ABR: variants seen among roughly 807,000 people sequenced by gnomAD.
ABR encodes active breakpoint cluster region-related protein.
In ABR, 35 loss-of-function variants were observed where a neutral mutation model predicts 107.2. The observed-to-expected ratio is 0.33, with a 90% CI of 0.25 to 0.43. The LOEUF is 0.43. Ranked by LOEUF, ABR falls within the 20% of genes least tolerant of loss-of-function variation. ABR has a pLI of 1.00. For missense variants in ABR, 815 were observed against 1,115.2 expected (o/e 0.73, Z 3.83); for synonymous variants, 498 against 462.0 (o/e 1.08, Z -1.00).
intron 3 of ABR, among the ~76,000 whole-genome samples, chr17:1,098,939 C>G (rs187251227): frequency 3.3e-5 from 5 of 152,274 alleles, no homozygotes; most frequent in Admixed American, 2.6e-4. Flanking sequence ...GGGCCCGCCA[C>G]CACGCCCAGC....
chr17:1,030,679 G>C lies in ABR; in HGVS notation c.1792-17515C>G, dbSNP rs1389027790. Among the ~76,000 whole-genome samples the C allele has an allele frequency of 2.0e-5, 3 of 152,244 alleles. No individual in the cohort carries two copies. The East Asian group carries it at 5.8e-4, about 29-fold the overall frequency. On this transcript the variant is annotated intron_variant, in intron 16 of 22. Transcript: ENST00000302538. ...ATCACTTCGTCCTGGCTGATGCCAG[G>C]AGCCTCAATGCCGGCTGGCAGTAAG...
At chr17:1,137,678 G>A (rs1326014546) in intron 1 of ABR, among the ~76,000 whole-genome samples, 3 of 152,172 alleles carry the variant, frequency 2.0e-5, no homozygotes, top group Non-Finnish European at 4.4e-5. Context: ...CAGAGAGAAT[G>A]CGAGGTGGCC....
chr17:1,107,507 C>T (rs376891464), intron 2 of ABR, among the ~76,000 whole-genome samples: 238 of 152,354 alleles, frequency 1.6e-3, no homozygotes, highest in African/African-American at 5.3e-3. Flanking sequence ...CTGAGGCATA[C>T]GCCGGGGTCC....
At chr17:1,209,351 A>T (rs1234264524) in intron 1 of ABR, among the ~76,000 whole-genome samples, 2 of 148,174 alleles carry the variant, frequency 1.3e-5, no homozygotes, top group Non-Finnish European at 3.0e-5. Context: ...ATCTCGGCTC[A>T]CCGCAACCTC....
intron 2 of ABR, among the ~76,000 whole-genome samples, chr17:1,120,491 ATGG>A (rs2039299233): frequency 6.6e-6 from 1 of 152,030 alleles, no homozygotes; most frequent in Non-Finnish European, 1.5e-5. Flanking sequence ...GCTGGCCAGG[ATGG>A]TCTTGAACTA....
At chr17:1,228,176 G>C (rs2043257625) in intron 1 of ABR, 1 of 152,330 alleles carries the variant, frequency 6.6e-6, no homozygotes, top group South Asian at 2.1e-4. Flanking sequence ...CTTGCTCCCA[G>C]ACTCCTAGAA....
intron 16 of ABR, among the ~76,000 whole-genome samples, chr17:1,025,551 A>G (rs903251137): frequency 6.6e-6 from 1 of 152,178 alleles, no homozygotes; most frequent in African/African-American, 2.4e-5. Flanking sequence ...GACCCCACGT[A>G]ACGCCCCACA....
intron 16 of ABR, among the ~76,000 whole-genome samples, chr17:1,032,806 A>C (rs1340321538): frequency 6.6e-6 from 1 of 152,222 alleles, no homozygotes; most frequent in Non-Finnish European, 1.5e-5. Context: ...CTGAATCCCA[A>C]ATGTTTAACT....
intron 2 of ABR, among the ~76,000 whole-genome samples, chr17:1,113,286 T>TG (rs2038811740): frequency 7.2e-6 from 1 of 139,572 alleles, no homozygotes; most frequent in African/African-American, 2.7e-5. Flanking sequence ...CGATTTTTTT[T>TG]TTTTTTTTTT....
At chr17:1,076,633 C>T (rs1367377882) in intron 6 of ABR, among the ~76,000 whole-genome samples, 2 of 148,444 alleles carry the variant, frequency 1.3e-5, no homozygotes, top group African/African-American at 5.0e-5. Context: ...GGGTTATTAA[C>T]ATGTCTGTGG....
intron 1 of ABR, among the ~76,000 whole-genome samples, chr17:1,151,740 G>C (rs370331987): frequency 6.6e-6 from 1 of 152,198 alleles, no homozygotes; most frequent in Non-Finnish European, 1.5e-5. Context: ...CTGGCTGCCC[G>C]ATCCGGCTCT....
At chr17:1,108,879 C>G in intron 2 of ABR, 2 of 1,520,590 alleles carry the variant, frequency 1.3e-6, no homozygotes, top group Non-Finnish European at 1.8e-6. Context: ...TCCCGCGCAC[C>G]TTCGGCAGCG....
chr17:1,147,277 C>T (rs893743323), intron 1 of ABR, among the ~76,000 whole-genome samples: 2 of 152,176 alleles, frequency 1.3e-5, no homozygotes, highest in Admixed American at 6.5e-5. Flanking sequence ...CAGAGCCCCC[C>T]GTCTACCAGG....
chr17:1,198,373 G>A (rs756937782), intron 1 of ABR, among the ~76,000 whole-genome samples: 13 of 151,560 alleles, frequency 8.6e-5, no homozygotes, highest in Non-Finnish European at 1.9e-4. Context: ...GTTCTGTCTG[G>A]ACAAGGAGAG....
intron 16 of ABR, among the ~76,000 whole-genome samples, chr17:1,020,606 G>T (rs1948760628): frequency 6.6e-6 from 1 of 152,174 alleles, no homozygotes; most frequent in Admixed American, 6.5e-5. Context: ...TCTCTGCCAA[G>T]AATCCCGTAG....
intron 2 of ABR, among the ~76,000 whole-genome samples, chr17:1,109,624 G>A (rs1439137195): frequency 6.6e-6 from 1 of 152,040 alleles, no homozygotes; most frequent in Non-Finnish European, 1.5e-5. Context: ...AGCCCGGCGA[G>A]CAGGGGCGAC....
intron 16 of ABR, among the ~76,000 whole-genome samples, chr17:1,026,666 G>A (rs1420430766): frequency 1.3e-5 from 2 of 152,204 alleles, no homozygotes; most frequent in Admixed American, 1.3e-4. Flanking sequence ...TTCTCCCCAG[G>A]GTGGGGCAGG....
chr17:1,035,709 G>A (rs1597473338), intron 16 of ABR, among the ~76,000 whole-genome samples: 1 of 121,950 alleles, frequency 8.2e-6, no homozygotes, highest in Non-Finnish European at 1.7e-5. Context: ...TGGTGGTAAG[G>A]CCCCCACGAA....
chr17:1,058,638 A>C, intron 11 of ABR, 107 bp downstream of exon 11: 3 of 1,414,908 alleles, frequency 2.1e-6, no homozygotes, highest in Non-Finnish European at 2.8e-6. Context: ...CCTCAGGAAG[A>C]GGGGGCCTGA....
Sources: allele counts gnomAD v4.1 joint callset (sites outside exome capture counted in the v4.1 genomes callset), GRCh38; gene constraint gnomAD v4.1.1; transcripts MANE v1.5; gene names NCBI Gene and HGNC (gene_info 2026-07-23, HGNC 2026-07-21).